The following TMCO5A variants were observed in gnomAD, a reference collection of about 807,000 sequenced individuals.
TMCO5A encodes the protein transmembrane and coiled-coil domain-containing protein 5A.
A neutral mutation model predicts 42.3 loss-of-function variants in TMCO5A; 34 were observed. That is an observed-to-expected ratio of 0.80 (90% CI 0.61 to 1.07). TMCO5A has a LOEUF of 1.07. Among genes scored for constraint, TMCO5A ranks in the 50% least tolerant of loss-of-function variants. The pLI is 0.00. For missense variants in TMCO5A, 357 were observed against 327.9 expected (o/e 1.09, Z -0.69); for synonymous variants, 131 against 115.6 (o/e 1.13, Z -0.86).
intron 11 of TMCO5A, 40 bp downstream of exon 11, chr15:37,947,736 G>A: frequency 7.0e-7 from 1 of 1,434,048 alleles, no homozygotes; most frequent in Non-Finnish European, 9.8e-7. Context: ...TATAAAATTG[G>A]GAGCCCTATT....
At chr15:38,021,740 A>G in the TMCO5A span, among the ~76,000 whole-genome samples, 1 of 152,016 alleles carries the variant, frequency 6.6e-6, no homozygotes, top group African/African-American at 2.4e-5. Context: ...AATATACAAT[A>G]TTAACTTTTT....
chr15:37,976,881 G>A, the TMCO5A span, among the ~76,000 whole-genome samples: 1 of 148,706 alleles, frequency 6.7e-6, no homozygotes, highest in Non-Finnish European at 1.5e-5. Flanking sequence ...CGCCTCCCAG[G>A]TTCAAATGAT....
the TMCO5A span, among the ~76,000 whole-genome samples, chr15:37,981,586 G>T: frequency 1.3e-5 from 2 of 152,208 alleles, no homozygotes; most frequent in East Asian, 3.8e-4. Flanking sequence ...GGAGACCGGG[G>T]TTGGGAGGAT....
chr15:37,951,902 C>A (rs925862592), downstream of TMCO5A, among the ~76,000 whole-genome samples: 1 of 152,042 alleles, frequency 6.6e-6, no homozygotes, highest in East Asian at 1.9e-4. Flanking sequence ...CCTTTCCCAT[C>A]CTCCAGCAGC....
chr15:37,965,378 C>T (rs1384096277), intron 11 of TMCO5A, among the ~76,000 whole-genome samples: 1 of 152,044 alleles, frequency 6.6e-6, no homozygotes, highest in African/African-American at 2.4e-5. Context: ...GTAATACAAG[C>T]ACAGGCAACC....
At chr15:37,949,549 C>T (rs924542919) in intron 11 of TMCO5A, among the ~76,000 whole-genome samples, 2 of 151,814 alleles carry the variant, frequency 1.3e-5, no homozygotes, top group African/African-American at 4.8e-5. Context: ...GTGCACATAG[C>T]AAACTTTGGT....
At chr15:37,994,593 A>G in the TMCO5A span, 1 of 152,230 alleles carries the variant, frequency 6.6e-6, no homozygotes, top group Non-Finnish European at 1.5e-5. Context: ...GGGATCCTGC[A>G]TCTGCACTTA....
At chr15:37,954,546 A>G (rs532356751), downstream of TMCO5A, among the ~76,000 whole-genome samples, 2 of 152,298 alleles carry the variant, frequency 1.3e-5, no homozygotes, top group East Asian at 1.9e-4. Flanking sequence ...TCTACAAGAA[A>G]TGCTAAAGGG....
the TMCO5A span, among the ~76,000 whole-genome samples, chr15:38,002,527 A>G: frequency 2.0e-5 from 3 of 149,648 alleles, no homozygotes; most frequent in African/African-American, 7.4e-5. Flanking sequence ...TTTATGCTTC[A>G]TTCTTTTTTA....
At chr15:37,966,941 G>C (rs1239301538) in exon 12 of TMCO5A, 1 of 427,918 alleles carries the variant, frequency 2.3e-6, no homozygotes, top group East Asian at 3.8e-5. Flanking sequence ...CCCACTAAAA[G>C]GGGCTCAGTG....
downstream of TMCO5A, among the ~76,000 whole-genome samples, chr15:37,954,444 T>G (rs575531023): frequency 7.9e-5 from 12 of 152,230 alleles, no homozygotes; most frequent in Non-Finnish European, 1.8e-4. Context: ...CCTGCAATAG[T>G]ATTCTGGTGA....
In TMCO5A at chr15:37,947,687, T is replaced by G; in HGVS notation, c.659T>G (p.Phe220Cys). ...GTPTQKTARL[F>C]SKKIFCCLFF... ...CCTACCCAAAAGACAGCAAGATTAT[T>G]CAGTAAAAAGTAAGTAAAATATCTT... is the stretch of plus-strand genomic sequence containing the variant. The change falls in exon 11 of 12, where the codon TTC becomes TGC. Residue 220 changes from phenylalanine to cysteine, a missense_variant. By Grantham distance (205) the Phe-to-Cys change is radical. Coordinates refer to ENST00000319669, the MANE Select transcript of TMCO5A (RefSeq NM_152453.4). 2 of 1,600,304 alleles carry G rather than the reference T, an allele frequency of 1.2e-6. No homozygotes were observed. The highest frequency in any genetic ancestry group is 1.7e-6 in the Non-Finnish European group (2 of 1,171,096).
chr15:37,986,290 A>T, the TMCO5A span, among the ~76,000 whole-genome samples: 1 of 151,806 alleles, frequency 6.6e-6, no homozygotes, highest in South Asian at 2.1e-4. Context: ...ATAAAGAAAA[A>T]CCCCAATAAA....
In TMCO5A at chr15:37,943,361, A is replaced by G. The variant is rs556067073; in HGVS notation, c.590A>G (p.Asn197Ser). 27 of 1,612,220 alleles carry G rather than the reference A, an allele frequency of 1.7e-5. No homozygotes were observed. The Admixed American group carries it at 4.3e-4, about 26-fold the overall frequency. Residue 197 changes from asparagine (N) to serine (S), a missense_variant, in exon 10 of 12, where the codon AAC (asparagine) becomes AGC (serine). Physicochemically the swap from Asn to Ser is conservative, Grantham distance 46. Coordinates refer to ENST00000319669, the MANE Select transcript of TMCO5A (RefSeq NM_152453.4). ...EREVSKLVSM[N>S]PVEKEHTSQN... ...CATAGATCAAAACTCGTGAGCATGAACCCTGTGGAAAAAGAGCATACCAGC... is the reference window on the plus strand; with the variant it reads ...CATAGATCAAAACTCGTGAGCATGAGCCCTGTGGAAAAAGAGCATACCAGC...
At chr15:37,970,452 G>T (rs1012650696), downstream of TMCO5A, among the ~76,000 whole-genome samples, 7 of 152,186 alleles carry the variant, frequency 4.6e-5, no homozygotes, top group Non-Finnish European at 7.3e-5. Context: ...GATGAGATTT[G>T]GGTGGGGACA....
chr15:37,939,735 T>C (rs1327881798), intron 6 of TMCO5A, among the ~76,000 whole-genome samples: 4 of 152,140 alleles, frequency 2.6e-5, no homozygotes, highest in African/African-American at 9.6e-5. Context: ...GAATCTCTTT[T>C]GCTTCTGTTC....
chr15:38,007,314 G>A, the TMCO5A span, among the ~76,000 whole-genome samples: 1 of 152,146 alleles, frequency 6.6e-6, no homozygotes, highest in African/African-American at 2.4e-5. Flanking sequence ...GTGGACCTGT[G>A]GCCTTGAGGT....
exon 12 of TMCO5A, chr15:37,966,849 C>G (rs1890570571): frequency 3.3e-6 from 2 of 605,722 alleles, no homozygotes; most frequent in East Asian, 5.5e-5. Context: ...GTCATATGTT[C>G]AGCCCCTTAC....
intron 11 of TMCO5A, among the ~76,000 whole-genome samples, chr15:37,957,994 A>T (rs1346297986): frequency 6.6e-6 from 1 of 152,164 alleles, no homozygotes; most frequent in Non-Finnish European, 1.5e-5. Flanking sequence ...TGGGGAAAGG[A>T]TTCCCTATTT....
Sources: gnomAD v4.1 joint callset for allele counts (sites outside exome capture counted in the v4.1 genomes callset) on GRCh38, gnomAD v4.1.1 for gene constraint, MANE v1.5 for transcripts, NCBI Gene and HGNC (gene_info 2026-07-23, HGNC 2026-07-21) for gene names.